The following SLC38A8 variants were observed in gnomAD, a reference collection of about 807,000 sequenced individuals.
SLC38A8 encodes the protein solute carrier family 38 member 8.
Under a neutral mutation model 46.0 loss-of-function variants are expected in SLC38A8, and 65 were observed. The observed-to-expected ratio is 1.41, with a 90% CI of 1.16 to 1.74. The LOEUF is 1.74. Ranked by LOEUF, SLC38A8 falls within the 40% of genes most tolerant of loss-of-function variation. SLC38A8 has a pLI of 0.00. For missense variants in SLC38A8, 998 were observed against 567.9 expected (o/e 1.76, Z -7.70); for synonymous variants, 447 against 243.7 (o/e 1.83, Z -7.77).
At chr16:84,013,089 A>G (rs1179152862) in intron 9 of SLC38A8, 37 bp from the exon 10 acceptor site, 17 of 1,613,216 alleles carry the variant, frequency 1.1e-5, no homozygotes, top group African/African-American at 4.0e-5. Context: ...GTTCTTCGTT[A>G]TCAAACCCAA....
chr16:84,040,645 T>C (rs914337326), intron 2 of SLC38A8, among the ~76,000 whole-genome samples: 10 of 152,136 alleles, frequency 6.6e-5, no homozygotes, highest in African/African-American at 2.4e-4. Context: ...GACACACTAG[T>C]CCAAACGCAG....
chr16:84,026,600 G>A (rs1368611926), intron 6 of SLC38A8, among the ~76,000 whole-genome samples: 1 of 152,184 alleles, frequency 6.6e-6, no homozygotes, highest in Non-Finnish European at 1.5e-5. Context: ...GTGGCAGTGG[G>A]CAGTTGCTCG....
intron 9 of SLC38A8, among the ~76,000 whole-genome samples, chr16:84,016,298 C>G (rs1384383829): frequency 2.0e-5 from 3 of 152,174 alleles, no homozygotes; most frequent in Admixed American, 6.5e-5. Context: ...TGAACACAAC[C>G]AAACCTCATC....
At chr16:84,027,083 G>A (rs1002189554) in intron 6 of SLC38A8, among the ~76,000 whole-genome samples, 1 of 152,210 alleles carries the variant, frequency 6.6e-6, no homozygotes, top group African/African-American at 2.4e-5. Context: ...CAGGCACAGT[G>A]GCTCACGCCT....
chr16:84,020,665 G>A (rs997299189), intron 7 of SLC38A8, among the ~76,000 whole-genome samples: 9 of 152,198 alleles, frequency 5.9e-5, no homozygotes, highest in South Asian at 2.1e-4. Flanking sequence ...GTGAGGGCAC[G>A]TAGGATAGCC....
chr16:84,035,504 A>G (rs1261676216), intron 3 of SLC38A8, among the ~76,000 whole-genome samples: 1 of 152,220 alleles, frequency 6.6e-6, no homozygotes, highest in East Asian at 1.9e-4. Flanking sequence ...GTCAAGTTGG[A>G]TAAAAAAGCA....
chr16:84,022,716 TAC>T, intron 7 of SLC38A8, 57 bp downstream of exon 7: 1 of 1,296,666 alleles, frequency 7.7e-7, no homozygotes, highest in Non-Finnish European at 1.1e-6. Flanking sequence ...TACTCGCTGT[TAC>T]TCTTGTTTCT....
intron 7 of SLC38A8, among the ~76,000 whole-genome samples, chr16:84,021,699 C>A (rs1394265801): frequency 6.6e-6 from 1 of 152,246 alleles, no homozygotes; most frequent in Non-Finnish European, 1.5e-5. Context: ...CAATCATCAA[C>A]ACCCCACTCT....
intron 9 of SLC38A8, among the ~76,000 whole-genome samples, chr16:84,014,219 C>G (rs899399628): frequency 1.2e-4 from 18 of 151,686 alleles, no homozygotes; most frequent in Non-Finnish European, 2.4e-4. Flanking sequence ...TAGCCACACC[C>G]TCACCTCTGA....
intron 9 of SLC38A8, among the ~76,000 whole-genome samples, chr16:84,013,435 T>TTTTTGTTTTTTTTTTTTTGTTG (rs2084980936): frequency 7.7e-6 from 1 of 130,696 alleles, no homozygotes; most frequent in Non-Finnish European, 1.6e-5. Context: ...TTTTTTTTTT[T>TTTTTGTTTTTTTTTTTTTGTTG]TTTTTTTTTT....
chr16:84,010,624 G>T (rs1458870942), intron 10 of SLC38A8, among the ~76,000 whole-genome samples: 1 of 152,086 alleles, frequency 6.6e-6, no homozygotes, highest in Non-Finnish European at 1.5e-5. Flanking sequence ...GCAGGCACCT[G>T]TATTCCCAGC....
chr16:84,030,241 C>G (rs1478902136), intron 5 of SLC38A8, among the ~76,000 whole-genome samples: 1 of 152,158 alleles, frequency 6.6e-6, no homozygotes, highest in Non-Finnish European at 1.5e-5. Context: ...CAGGAAAGAT[C>G]TGCCCCTGGA....
chr16:84,039,469 G>A (rs1019338122), intron 2 of SLC38A8, among the ~76,000 whole-genome samples: 7 of 152,170 alleles, frequency 4.6e-5, no homozygotes, highest in Non-Finnish European at 8.8e-5. Context: ...GGGGGGCCGG[G>A]TACGGTGGCT....
chr16:84,030,923 C>T (rs985461008), intron 5 of SLC38A8, among the ~76,000 whole-genome samples: 3 of 152,200 alleles, frequency 2.0e-5, no homozygotes, highest in Non-Finnish European at 4.4e-5. Flanking sequence ...CTCATTGCCT[C>T]CTCTGAAGCC....
At chr16:84,029,077 G>T (rs1266744153) in intron 6 of SLC38A8, among the ~76,000 whole-genome samples, 1 of 152,026 alleles carries the variant, frequency 6.6e-6, no homozygotes, top group Non-Finnish European at 1.5e-5. Context: ...CCTGCCCAAG[G>T]CCCTGGGCAG....
rs777130271 is a variant in SLC38A8 at position 84,033,455 on chromosome 16, G to T, written c.403C>A (p.Leu135Met). 6 of 1,607,230 alleles carry T rather than the reference G, an allele frequency of 3.7e-6. No individual in the cohort carries two copies. Among genetic ancestry groups the T allele is most frequent in the Non-Finnish European group, 4.2e-6 (5 of 1,177,054 alleles). The change falls in exon 4 of 11, where the codon CTG (leucine) becomes ATG (methionine). Residue 135 changes from leucine (L) to methionine (M), a missense_variant. Transcript: ENST00000299709. ...DQLEKLCDSL[L>M]SGTPPAPQPW... The stretch of plus-strand genomic sequence containing the variant: ...TGCGGGGCGGGCGGGGTGCCAGACA[G>T]GAGGGAGTCACACACTGCCAGAGAC...
chr16:84,028,980 G>GT (rs1428089016), intron 6 of SLC38A8, among the ~76,000 whole-genome samples: 1 of 152,090 alleles, frequency 6.6e-6, no homozygotes, highest in Non-Finnish European at 1.5e-5. Context: ...TAAAAATTCT[G>GT]TATTTCTGCC....
chr16:84,015,693 C>T (rs1043601269), intron 9 of SLC38A8, among the ~76,000 whole-genome samples: 1 of 152,094 alleles, frequency 6.6e-6, no homozygotes, highest in African/African-American at 2.4e-5. Flanking sequence ...TAAAGACCTA[C>T]CAGGGACTAG....
chr16:84,009,992 A>C (rs563616347), intron 10 of SLC38A8, 115 bp from the exon 11 acceptor site: 43 of 791,906 alleles, frequency 5.4e-5, no homozygotes, highest in East Asian at 1.5e-4. Flanking sequence ...ATTTGGAAAA[A>C]AGAAAAATTC....
Sources: allele counts gnomAD v4.1 joint callset (sites outside exome capture counted in the v4.1 genomes callset), GRCh38; gene constraint gnomAD v4.1.1; transcripts MANE v1.5; gene names NCBI Gene and HGNC (gene_info 2026-07-23, HGNC 2026-07-21).